TRIM62: variants seen among roughly 807,000 people sequenced by gnomAD.
TRIM62 encodes E3 ubiquitin-protein ligase TRIM62.
TRIM62 carries 39 observed loss-of-function variants against 44.2 expected under a neutral mutation model. The observed-to-expected ratio is 0.88, with a 90% CI of 0.68 to 1.15. The LOEUF (loss-of-function observed/expected upper bound fraction) is 1.15, where lower values mean the gene tolerates loss of function less well. Among genes scored for constraint, TRIM62 ranks in the 50% most tolerant of loss-of-function variants. The pLI, the probability that TRIM62 is intolerant of heterozygous loss-of-function variation, is 0.00. For synonymous variants in TRIM62, 278 were observed against 292.3 expected, an observed-to-expected ratio of 0.95 and a Z score of 0.50; for missense variants, 544 against 665.5, an observed-to-expected ratio of 0.82 and a Z score of 2.01.
chr1:33,165,089 G>C lies in TRIM62; in HGVS notation c.504+382C>G, dbSNP rs1393007619. On this transcript the variant is annotated intron_variant, in intron 2 of 4. Transcript: ENST00000291416. This position sits in a 1 kb window ranked among gnomAD's most constrained non-coding sequence, Gnocchi z 4.0. Reference sequence around the variant, plus strand: ...CTACAAGTGTGTGTCACAACACCAGGGTTGGGCGGTTTTAATAAGGGGAGA... The same window carrying C: ...CTACAAGTGTGTGTCACAACACCAGCGTTGGGCGGTTTTAATAAGGGGAGA... The C allele has an allele frequency of 1.8e-5, 3 of 167,380 alleles. No homozygotes were observed. In the East Asian group the frequency reaches 5.1e-4, roughly 28 times the overall value. The allele number at this position is 167,380 out of a possible 1,614,324, so 10.4% of individuals were successfully genotyped here.
At chr1:33,169,949 T>G (rs1282555099) in intron 1 of TRIM62, among the ~76,000 whole-genome samples, 1 of 152,118 alleles carries the variant, frequency 6.6e-6, no homozygotes, top group Non-Finnish European at 1.5e-5. Context: ...GGAGTACATG[T>G]CTCAAACTCT....
At chr1:33,173,486 C>T (rs1322160362) in intron 1 of TRIM62, among the ~76,000 whole-genome samples, 1 of 152,056 alleles carries the variant, frequency 6.6e-6, no homozygotes, top group Non-Finnish European at 1.5e-5. Context: ...CAAAGCCCTT[C>T]CTGAGCTGGT....
rs1027938149 is a variant in TRIM62 at position 33,161,401 on chromosome 1, G to T, written c.505-1457C>A. Among the ~76,000 whole-genome samples, 1 of 152,096 alleles carries T rather than the reference G, an allele frequency of 6.6e-6. No individual in the cohort carries two copies. Among genetic ancestry groups the T allele is most frequent in the Admixed American group, 6.5e-5 (1 of 15,272 alleles). On this transcript the variant is annotated intron_variant, in intron 2 of 4. Coordinates refer to ENST00000291416, the MANE Select transcript of TRIM62 (RefSeq NM_018207.3). This position sits in a 1 kb window ranked among gnomAD's most constrained non-coding sequence, Gnocchi z 4.3. Reference sequence around the variant, plus strand: ...CTGCCTCTGCAATTTTACTTTGTGGGATTCTGGCTGGGAGTTCATGGAGTC... The same window carrying T: ...CTGCCTCTGCAATTTTACTTTGTGGTATTCTGGCTGGGAGTTCATGGAGTC...
At chr1:33,164,306 C>T (rs1315408145) in intron 2 of TRIM62, 2 of 152,274 alleles carry the variant, frequency 1.3e-5, no homozygotes, top group Non-Finnish European at 2.9e-5. Flanking sequence ...CCAGGATGAC[C>T]TCCAGAGGCC....
chr1:33,153,937 CACAG>C (rs1442988795), intron 4 of TRIM62, among the ~76,000 whole-genome samples: 1 of 152,222 alleles, frequency 6.6e-6, no homozygotes, highest in East Asian at 1.9e-4. Context: ...GAGACAGCCA[CACAG>C]ACAATGACAA....
At chr1:33,155,982 T>C (rs1172610511) in intron 4 of TRIM62, among the ~76,000 whole-genome samples, 1 of 152,194 alleles carries the variant, frequency 6.6e-6, no homozygotes, top group African/African-American at 2.4e-5. Context: ...GGTGAAGCCA[T>C]CAGAAGAGAA....
intron 1 of TRIM62, among the ~76,000 whole-genome samples, chr1:33,176,807 C>T (rs1645423023): frequency 6.6e-6 from 1 of 152,232 alleles, no homozygotes; most frequent in Non-Finnish European, 1.5e-5. Flanking sequence ...TCTGTTTCTT[C>T]ATCAGTAGAA....
chr1:33,165,169 A>T lies in TRIM62; in HGVS notation c.504+302T>A, dbSNP rs933436608. 17 of 261,410 alleles carry T rather than the reference A, an allele frequency of 6.5e-5. No individual in the cohort carries two copies. Among genetic ancestry groups the T allele is most frequent in the South Asian group, 2.3e-4 (3 of 13,068 alleles). 16.2% of individuals were successfully genotyped at this position (261,410 alleles called of 1,614,324 possible). On this transcript the variant is annotated intron_variant, in intron 2 of 4. Transcript: ENST00000291416. This position sits in a 1 kb window ranked among gnomAD's most constrained non-coding sequence, Gnocchi z 4.0. ...CCTTCAGGAGGCAGGGGGTTTCCGG[A>T]GGGTCCCGGGACCCGCCTCAACTTC...
intron 4 of TRIM62, 84 bp downstream of exon 4, chr1:33,158,169 C>T (rs1001534482): frequency 1.6e-6 from 2 of 1,279,518 alleles, no homozygotes; most frequent in Admixed American, 1.7e-5. Context: ...ACCCCAACTG[C>T]CCCATGCTGT....
At chr1:33,174,939 A>G (rs1467163988) in intron 1 of TRIM62, among the ~76,000 whole-genome samples, 3 of 32,644 alleles carry the variant, frequency 9.2e-5, no homozygotes, top group South Asian at 3.9e-3. Flanking sequence ...ACATACATAT[A>G]TGTGTGTATA....
intron 4 of TRIM62, among the ~76,000 whole-genome samples, chr1:33,149,635 CAT>C (rs1645069685): frequency 6.8e-6 from 1 of 146,770 alleles, no homozygotes; most frequent in Non-Finnish European, 1.5e-5. Context: ...TTAAATTTTT[CAT>C]AGAGATGAGG....
At position 33,159,124 on chromosome 1, in the gene TRIM62, T is replaced by A. The variant is rs927312257; in HGVS notation, c.761+564A>T. On this transcript the variant is annotated intron_variant, in intron 3 of 4. Coordinates refer to ENST00000291416, the MANE Select transcript of TRIM62 (RefSeq NM_018207.3). This position sits in a 1 kb window ranked among gnomAD's most constrained non-coding sequence, Gnocchi z 4.2. ...CCTCCCAAAGTGCTGGGATTACAGGTGTGAGCCACCGTGCCCAGCAGGAGC... is the reference window on the plus strand; with the variant it reads ...CCTCCCAAAGTGCTGGGATTACAGGAGTGAGCCACCGTGCCCAGCAGGAGC... 7.9e-5 allele frequency among the ~76,000 whole-genome samples: 12 copies of A among 152,016 alleles called. No homozygotes were observed. Among genetic ancestry groups the A allele is most frequent in the African/African-American group, 2.9e-4 (12 of 41,366 alleles).
At chr1:33,169,385 G>C (rs1347548752) in intron 1 of TRIM62, among the ~76,000 whole-genome samples, 1 of 152,174 alleles carries the variant, frequency 6.6e-6, no homozygotes, top group African/African-American at 2.4e-5. Flanking sequence ...CTCTCTATGC[G>C]TGCTGCCTCT....
intron 4 of TRIM62, among the ~76,000 whole-genome samples, chr1:33,154,696 G>A (rs1331144841): frequency 3.3e-5 from 5 of 151,720 alleles, no homozygotes; most frequent in Admixed American, 6.6e-5. Flanking sequence ...TACTTGGGAG[G>A]CCGAGGCAGG....
chr1:33,179,407 A>T (rs1222678193), intron 1 of TRIM62, among the ~76,000 whole-genome samples: 1 of 152,184 alleles, frequency 6.6e-6, no homozygotes, highest in African/African-American at 2.4e-5. Flanking sequence ...GTGCAGGCCT[A>T]CTCAAAGACT....
intron 4 of TRIM62, among the ~76,000 whole-genome samples, chr1:33,154,662 G>C (rs1645149837): frequency 6.6e-6 from 1 of 151,536 alleles, no homozygotes; most frequent in South Asian, 2.1e-4. Context: ...GCTGGGTGCA[G>C]TGGCGTGTGC....
chr1:33,173,128 C>T (rs1319746178), intron 1 of TRIM62, among the ~76,000 whole-genome samples: 1 of 152,152 alleles, frequency 6.6e-6, no homozygotes, highest in Non-Finnish European at 1.5e-5. Flanking sequence ...TCATCTATAC[C>T]TAGAACCGGA....
intron 1 of TRIM62, among the ~76,000 whole-genome samples, chr1:33,178,910 T>C (rs575801264): frequency 9.8e-5 from 15 of 152,350 alleles, no homozygotes; most frequent in African/African-American, 3.6e-4. Flanking sequence ...TAATTTGGAT[T>C]TCCTGGTTTG....
Position 33,181,161 on chromosome 1 carries a change from C to A in TRIM62, c.272G>T (p.Arg91Leu). 1 of 1,598,284 alleles carries A rather than the reference C, an allele frequency of 6.3e-7. No homozygotes were observed. The highest frequency in any genetic ancestry group is 8.5e-7 in the Non-Finnish European group (1 of 1,177,516). The change falls in exon 1 of 5, where the codon CGA (arginine) becomes CTA (leucine). Residue 91 changes from arginine to leucine, a missense_variant. By Grantham distance (102) the Arg-to-Leu change is moderately radical (BLOSUM62 -2). Coordinates refer to ENST00000291416, the MANE Select transcript of TRIM62 (RefSeq NM_018207.3). This position sits in a 1 kb window ranked among gnomAD's most constrained non-coding sequence, Gnocchi z 6.5. ...GACCTTGTCGTGCGCCTGGCAGGGT[C>A]GCGCGGCGCGGCGCGCGTTGAGGAT... ...DAILNARRAA[R>L]PCQAHDKVKL...
Sources: gnomAD v4.1 joint callset for allele counts (sites outside exome capture counted in the v4.1 genomes callset) on GRCh38, gnomAD v4.1.1 for gene constraint, Gnocchi (gnomAD v3.1) non-coding constraint, MANE v1.5 for transcripts, NCBI Gene and HGNC (gene_info 2026-07-23, HGNC 2026-07-21) for gene names.